Variants in SSH2 observed in about 807,000 individuals in gnomAD.
SSH2 encodes protein phosphatase Slingshot homolog 2.
In SSH2, 37 loss-of-function variants were observed where a neutral mutation model predicts 135.2. That is an observed-to-expected ratio of 0.27 (90% CI 0.21 to 0.36). SSH2 has a LOEUF of 0.36. SSH2 is among the 10% of genes least tolerant of loss of function. The probability of loss-of-function intolerance (pLI) is 1.00; values close to 1 mark genes in which losing one functional copy is unlikely to be tolerated. For synonymous variants in SSH2, 628 were observed against 646.2 expected (o/e 0.97, Z 0.43); for missense variants, 1,408 against 1,765.3 (o/e 0.80, Z 3.63).
chr17:29,796,794 T>C (rs543916285), intron 2 of SSH2, among the ~76,000 whole-genome samples: 1 of 152,036 alleles, frequency 6.6e-6, no homozygotes, highest in African/African-American at 2.4e-5. Flanking sequence ...TATTTCTTTA[T>C]AGTTTTTTCC....
At chr17:29,653,369 T>C (rs1017371927) in intron 12 of SSH2, among the ~76,000 whole-genome samples, 13 of 152,338 alleles carry the variant, frequency 8.5e-5, no homozygotes, top group South Asian at 6.2e-4. Context: ...ATCTGGGAAT[T>C]TGACCATACT....
chr17:29,648,709 G>A (rs2036475859), intron 13 of SSH2, among the ~76,000 whole-genome samples: 1 of 152,238 alleles, frequency 6.6e-6, no homozygotes, highest in Admixed American at 6.5e-5. Context: ...TTAAAATGCA[G>A]TATGGGGCTG....
chr17:29,731,008 T>C (rs1050606340), intron 3 of SSH2, among the ~76,000 whole-genome samples: 1 of 152,194 alleles, frequency 6.6e-6, no homozygotes, highest in Admixed American at 6.5e-5. Flanking sequence ...ATTGACTTGA[T>C]AGAGGCAGTA....
intron 11 of SSH2, among the ~76,000 whole-genome samples, chr17:29,661,790 C>T (rs2037054564): frequency 6.6e-6 from 1 of 152,116 alleles, no homozygotes; most frequent in South Asian, 2.1e-4. Flanking sequence ...TTTTCATCTA[C>T]CTGTCCAGAG....
At chr17:29,754,958 C>T (rs1347302639) in intron 3 of SSH2, among the ~76,000 whole-genome samples, 1 of 152,154 alleles carries the variant, frequency 6.6e-6, no homozygotes. Context: ...TGCACCCAGC[C>T]GGGAATATTT....
At position 29,695,621 on chromosome 17, in the gene SSH2, G is replaced by C. The variant is rs529615436; in HGVS notation, c.293-98C>G. ...AGTGACTTTTGTAAAAGAAAGTTCTGATTCATTAAAGGACTCTAATTAGAC... is the reference window on the plus strand; with the variant it reads ...AGTGACTTTTGTAAAAGAAAGTTCTCATTCATTAAAGGACTCTAATTAGAC... On this transcript the variant is annotated intron_variant, in intron 4 of 15. Coordinates refer to ENST00000540801, the MANE Select transcript of SSH2 (RefSeq NM_001282129.2). The C allele has an allele frequency of 4.9e-5, 51 of 1,045,724 alleles. No individual in the cohort carries two copies. The African/African-American group carries it at 7.7e-4, about 16-fold the overall frequency. The allele number at this position is 1,045,724 out of a possible 1,614,324, so 64.8% of individuals were successfully genotyped here. A position where few individuals can be genotyped will look rare whatever the true frequency, so the allele number is the denominator to read the frequency against.
At chr17:29,793,722 C>T in intron 3 of SSH2, 172 bp downstream of exon 3, 1 of 533,996 alleles carries the variant, frequency 1.9e-6, no homozygotes, top group East Asian at 3.2e-5. Context: ...GAATTACAGG[C>T]ACAAAATACC....
chr17:29,717,932 G>T (rs1441366878), intron 3 of SSH2, among the ~76,000 whole-genome samples: 1 of 152,196 alleles, frequency 6.6e-6, no homozygotes, highest in Non-Finnish European at 1.5e-5. Context: ...TGGCTAGCTT[G>T]GGAATTAGCA....
chr17:29,812,273 T>A (rs536518857), intron 2 of SSH2, among the ~76,000 whole-genome samples: 113 of 152,148 alleles, frequency 7.4e-4, no homozygotes, highest in African/African-American at 2.7e-3. Flanking sequence ...TTATGTTTTT[T>A]AAAATATATA....
At chr17:29,905,780 T>C (rs1329641693) in intron 1 of SSH2, among the ~76,000 whole-genome samples, 2 of 152,066 alleles carry the variant, frequency 1.3e-5, no homozygotes, top group Non-Finnish European at 2.9e-5. Context: ...GGTGCCTTTC[T>C]CAGGACTGCC....
intron 3 of SSH2, among the ~76,000 whole-genome samples, chr17:29,757,602 A>C (rs2041166754): frequency 6.6e-6 from 1 of 151,986 alleles, no homozygotes; most frequent in South Asian, 2.1e-4. Context: ...TTAAAGAAAA[A>C]AGAAGTGGCT....
chr17:29,704,774 C>T (rs570033006), intron 3 of SSH2, among the ~76,000 whole-genome samples: 35 of 147,102 alleles, frequency 2.4e-4, no homozygotes, highest in African/African-American at 7.7e-4. Context: ...GAAAATAAAT[C>T]TAAATTATTT....
At chr17:29,907,028 T>C (rs2151467252) in intron 1 of SSH2, among the ~76,000 whole-genome samples, 1 of 152,266 alleles carries the variant, frequency 6.6e-6, no homozygotes, top group East Asian at 1.9e-4. Context: ...CCCAGAGGAA[T>C]ATAAGTCATT....
chr17:29,683,302 TA>T (rs1285950568), intron 6 of SSH2, among the ~76,000 whole-genome samples: 1 of 151,668 alleles, frequency 6.6e-6, no homozygotes, highest in Non-Finnish European at 1.5e-5. Context: ...GTGGGAAAAA[TA>T]AAAAAGGAAA....
Position 29,639,034 on chromosome 17 carries a change from C to T in SSH2, c.1428-2232G>A, listed in dbSNP as rs572901416. On this transcript the variant is annotated intron_variant, in intron 14 of 15. Transcript: ENST00000540801. ...ATTCTGGAATCAGAAAGCAAAGGAA[C>T]GGCTAGTAAATTTGGAGAGAAAGCT... is the stretch of plus-strand genomic sequence containing the variant. Among the ~76,000 whole-genome samples the T allele has an allele frequency of 9.6e-4, 146 of 152,192 alleles. 2 individuals carry two copies. Among genetic ancestry groups the T allele is most frequent in the Middle Eastern group, 3.4e-3 (1 of 294 alleles).
intron 3 of SSH2, among the ~76,000 whole-genome samples, chr17:29,713,463 T>C (rs2039514181): frequency 6.6e-6 from 1 of 152,212 alleles, no homozygotes; most frequent in Admixed American, 6.5e-5. Flanking sequence ...TTCTTTCTTT[T>C]TTTTTAGCTT....
At chr17:29,906,739 A>C (rs1432020018) in intron 1 of SSH2, among the ~76,000 whole-genome samples, 2 of 152,240 alleles carry the variant, frequency 1.3e-5, no homozygotes, top group Non-Finnish European at 2.9e-5. Flanking sequence ...GATGACATAC[A>C]TGCGGCCAAT....
intron 3 of SSH2, among the ~76,000 whole-genome samples, chr17:29,755,659 T>C (rs1253441125): frequency 6.6e-6 from 1 of 151,256 alleles, no homozygotes; most frequent in African/African-American, 2.4e-5. Flanking sequence ...TAATTTTCTT[T>C]TCTTTTTCTT....
chr17:29,681,233 G>A (rs2037971414), intron 6 of SSH2, among the ~76,000 whole-genome samples: 1 of 148,838 alleles, frequency 6.7e-6, no homozygotes, highest in Non-Finnish European at 1.5e-5. Flanking sequence ...TGCTTGGGAG[G>A]CTGAGGCAGG....
Sources: gnomAD v4.1 joint callset for allele counts (sites outside exome capture counted in the v4.1 genomes callset) on GRCh38, gnomAD v4.1.1 for gene constraint, MANE v1.5 for transcripts, NCBI Gene and HGNC (gene_info 2026-07-23, HGNC 2026-07-21) for gene names.